The following DIP2C variants were observed in gnomAD, a reference collection of about 807,000 sequenced individuals.
DIP2C encodes the protein disco-interacting protein 2 homolog C.
Under a neutral mutation model 192.4 loss-of-function variants are expected in DIP2C, and 33 were observed. That is an observed-to-expected ratio of 0.17 (90% CI 0.13 to 0.23). The LOEUF (loss-of-function observed/expected upper bound fraction) is 0.23. DIP2C is among the 10% of genes least tolerant of loss of function. The probability of loss-of-function intolerance (pLI) is 1.00; values close to 1 mark genes in which losing one functional copy is unlikely to be tolerated. For synonymous variants in DIP2C, 979 were observed against 864.1 expected (o/e 1.13, Z -2.33); for missense variants, 1,537 against 2,110.1 (o/e 0.73, Z 5.32).
Position 444,558 on chromosome 10 carries a change from C to T in DIP2C, c.269-3562G>A, listed in dbSNP as rs138119454. On this transcript the variant is annotated intron_variant, in intron 3 of 36. Transcript: ENST00000280886. The stretch of plus-strand genomic sequence containing the variant: ...TCACCCGAGACTTGTGTAGATTCTC[C>T]ACCGTCACATGGAGCCCACAGCATG... Among the ~76,000 whole-genome samples the T allele has an allele frequency of 7.9e-5, 12 of 151,184 alleles. 1 individual carries two copies. In the East Asian group the frequency reaches 2.4e-3, roughly 30 times the overall value.
intron 31 of DIP2C, among the ~76,000 whole-genome samples, chr10:314,360 C>G (rs1956686191): frequency 6.6e-6 from 1 of 152,218 alleles, no homozygotes; most frequent in African/African-American, 2.4e-5. Context: ...TTTCTAGCCA[C>G]CCTGGCCTCT....
rs200567522 is a variant in DIP2C at position 404,210 on chromosome 10, ATTTTT to A, written c.1149+4711_1149+4715del. Among the ~76,000 whole-genome samples the A allele has an allele frequency of 6.1e-5, 9 of 146,492 alleles. No homozygotes were observed. In the South Asian group the frequency reaches 1.5e-3, roughly 25 times the overall value. On this transcript the variant is annotated intron_variant, in intron 9 of 36. Coordinates refer to ENST00000280886, the MANE Select transcript of DIP2C (RefSeq NM_014974.3). ...TCATTTTTGCATTACTTCATTCTGG[ATTTTT>A]TTTTTTTTTTTGAGACAGAGTCTTG...
intron 1 of DIP2C, among the ~76,000 whole-genome samples, chr10:656,967 A>G (rs1467578273): frequency 6.6e-6 from 1 of 152,232 alleles, no homozygotes; most frequent in Non-Finnish European, 1.5e-5. Flanking sequence ...AGTAGGCTCT[A>G]CTAATAACTA....
chr10:583,308 G>C (rs1053583681), intron 1 of DIP2C, among the ~76,000 whole-genome samples: 1 of 152,234 alleles, frequency 6.6e-6, no homozygotes, highest in African/African-American at 2.4e-5. Flanking sequence ...AGCAGAAAGA[G>C]AATTATAGGA....
intron 17 of DIP2C, among the ~76,000 whole-genome samples, chr10:378,810 CAAAT>C (rs902227603): frequency 8.9e-6 from 1 of 112,870 alleles, no homozygotes; most frequent in African/African-American, 3.6e-5. Context: ...CATAAAGACA[CAAAT>C]GAACAGACAT....
rs371971009 is a variant in DIP2C at position 681,219 on chromosome 10, A to T, written c.85+8275T>A. Among the ~76,000 whole-genome samples, 48 of 150,256 alleles carry T rather than the reference A, an allele frequency of 3.2e-4. No individual in the cohort carries two copies. The South Asian group carries it at 4.0e-3, about 13-fold the overall frequency. ...CAGCTACATGGTACAGCCACCATCT[A>T]TGGCCACGGATATTGGGAAACACAG... is the stretch of plus-strand genomic sequence containing the variant. On this transcript the variant is annotated intron_variant, in intron 1 of 36. Transcript: ENST00000280886.
intron 1 of DIP2C, among the ~76,000 whole-genome samples, chr10:517,958 A>ACCTC (rs1398036623): frequency 3.9e-5 from 6 of 151,940 alleles, no homozygotes; most frequent in African/African-American, 1.4e-4. Flanking sequence ...CTATTCCTAC[A>ACCTC]CCTCCACAGG....
chr10:614,961 GAC>G (rs1853353773), intron 1 of DIP2C, among the ~76,000 whole-genome samples: 1 of 152,216 alleles, frequency 6.6e-6, no homozygotes, highest in African/African-American at 2.4e-5. Flanking sequence ...AGAGACAAGA[GAC>G]AATGACACCC....
chr10:599,909 G>A (rs535041897), intron 1 of DIP2C, among the ~76,000 whole-genome samples: 1 of 152,282 alleles, frequency 6.6e-6, no homozygotes, highest in East Asian at 1.9e-4. Flanking sequence ...TGGGACAGGG[G>A]GAGCTCATCC....
intron 32 of DIP2C, among the ~76,000 whole-genome samples, chr10:305,995 T>TATATATA (rs1564531224): frequency 3.5e-5 from 5 of 141,290 alleles, no homozygotes; most frequent in African/African-American, 1.5e-4. Context: ...ATATATATAT[T>TATATATA]ATATTTTTTT....
chr10:315,407 G>A (rs1350681784), intron 31 of DIP2C, among the ~76,000 whole-genome samples: 4 of 151,996 alleles, frequency 2.6e-5, no homozygotes, highest in Non-Finnish European at 2.9e-5. Flanking sequence ...CTTGTGACAC[G>A]TATTTGCTGA....
At chr10:419,020 C>G in intron 6 of DIP2C, 45 bp downstream of exon 6, 1 of 1,613,340 alleles carries the variant, frequency 6.2e-7, no homozygotes, top group Admixed American at 1.7e-5. Flanking sequence ...GACGTCAGCA[C>G]AAACCGTTTA....
At chr10:417,250 A>G (rs1247178126) in intron 6 of DIP2C, among the ~76,000 whole-genome samples, 2 of 152,120 alleles carry the variant, frequency 1.3e-5, no homozygotes, top group Admixed American at 1.3e-4. Flanking sequence ...CTGGGGTGTG[A>G]CCCAGAATCA....
At chr10:494,728 C>T (rs1432531452) in intron 1 of DIP2C, among the ~76,000 whole-genome samples, 2 of 152,180 alleles carry the variant, frequency 1.3e-5, no homozygotes, top group South Asian at 2.1e-4. Context: ...GGATCAGAAA[C>T]GTAAATTCTG....
chr10:557,904 G>T (rs1198188148), intron 1 of DIP2C, among the ~76,000 whole-genome samples: 1 of 120,792 alleles, frequency 8.3e-6, no homozygotes, highest in Non-Finnish European at 1.7e-5. Context: ...GGGCAGGCGG[G>T]GAAGGGGGCG....
intron 17 of DIP2C, among the ~76,000 whole-genome samples, chr10:379,615 T>TTTTCTTTTTTGC (rs1431763691): frequency 6.6e-6 from 1 of 152,206 alleles, no homozygotes; most frequent in Admixed American, 6.5e-5. Context: ...TACTTTTTTG[T>TTTTCTTTTTTGC]TTTCTTTTTT....
intron 1 of DIP2C, among the ~76,000 whole-genome samples, chr10:612,881 A>G (rs1289453428): frequency 1.3e-5 from 2 of 152,228 alleles, no homozygotes; most frequent in African/African-American, 4.8e-5. Flanking sequence ...CAGCTTGGTT[A>G]CGGAAAGCAC....
chr10:435,463 C>G (rs7920349), intron 4 of DIP2C, among the ~76,000 whole-genome samples: 25,741 of 152,192 alleles, frequency 0.17, 5,401 homozygotes, highest in African/African-American at 0.5. Flanking sequence ...GCCTCCTGGA[C>G]GTTTTAACTC....
At chr10:378,578 T>G (rs745781603) in intron 17 of DIP2C, among the ~76,000 whole-genome samples, 2 of 105,772 alleles carry the variant, frequency 1.9e-5, no homozygotes, top group Admixed American at 9.6e-5. Context: ...CATGCAGACA[T>G]GTGAACGCAG....
Sources: gnomAD v4.1 joint callset for allele counts (sites outside exome capture counted in the v4.1 genomes callset) on GRCh38, gnomAD v4.1.1 for gene constraint, MANE v1.5 for transcripts, NCBI Gene and HGNC (gene_info 2026-07-23, HGNC 2026-07-21) for gene names.